PKNOX2: variants seen among roughly 807,000 people sequenced by gnomAD.
The protein encoded by PKNOX2 is homeobox protein PKNOX2.
PKNOX2 carries 14 observed loss-of-function variants against 53.1 expected under a neutral mutation model. The ratio of observed to expected loss-of-function variants is 0.26; its 90% CI spans 0.17 to 0.41. The LOEUF is 0.41. PKNOX2 is among the 10% of genes least tolerant of loss of function. The pLI is 1.00. For missense variants in PKNOX2, 496 were observed against 602.8 expected (o/e 0.82, Z 1.85); for synonymous variants, 257 against 242.8 (o/e 1.06, Z -0.54).
intron 5 of PKNOX2, among the ~76,000 whole-genome samples, chr11:125,369,212 G>C (rs1952381112): frequency 6.6e-6 from 1 of 152,228 alleles, no homozygotes; most frequent in African/African-American, 2.4e-5. Flanking sequence ...TCTGATCACG[G>C]ATCCTGGCAC....
At chr11:125,274,824 C>T (rs371128485) in intron 2 of PKNOX2, among the ~76,000 whole-genome samples, 4 of 152,272 alleles carry the variant, frequency 2.6e-5, no homozygotes, top group East Asian at 1.9e-4. Context: ...AGATCAGGGG[C>T]GGTAGGATAA....
rs181797605 is a variant in PKNOX2, at chr11:125,240,056, T to G, written c.-130+4941T>G. On this transcript the variant is annotated intron_variant, in intron 2 of 12. Coordinates refer to ENST00000298282, the MANE Select transcript of PKNOX2 (RefSeq NM_001382323.2). This position sits in a 1 kb window ranked among gnomAD's most constrained non-coding sequence, Gnocchi z 4.3. ...ATTTACATTATGCAAATAGACGTTA[T>G]GCAATCAAGGCACTTTAGCAGGAAT... is the stretch of plus-strand genomic sequence containing the variant. 2.0e-5 allele frequency: 3 copies of G among 152,236 alleles called. No individual in the cohort carries two copies. Among genetic ancestry groups the G allele is most frequent in the Non-Finnish European group, 4.4e-5 (3 of 68,046 alleles). The allele number at this position is 152,236 out of a possible 1,614,324, so 9.4% of individuals were successfully genotyped here.
At chr11:125,355,284 A>G (rs1321739285) in intron 4 of PKNOX2, among the ~76,000 whole-genome samples, 2 of 151,786 alleles carry the variant, frequency 1.3e-5, no homozygotes, top group Non-Finnish European at 2.9e-5. Context: ...AAAGAAAAAA[A>G]AAAAAAAAAG....
At chr11:125,167,369 G>C (rs1203981183) in intron 1 of PKNOX2, among the ~76,000 whole-genome samples, 1 of 152,186 alleles carries the variant, frequency 6.6e-6, no homozygotes, top group East Asian at 1.9e-4. Flanking sequence ...GGCGGCCCGG[G>C]GCGCGGCGAC....
At chr11:125,345,688 G>A (rs1282855817) in intron 3 of PKNOX2, among the ~76,000 whole-genome samples, 3 of 152,060 alleles carry the variant, frequency 2.0e-5, no homozygotes, top group Non-Finnish European at 2.9e-5. Context: ...AGCCAACTCC[G>A]TTCTACCAGC....
intron 1 of PKNOX2, among the ~76,000 whole-genome samples, chr11:125,183,946 G>T (rs1224808243): frequency 2.6e-5 from 4 of 152,106 alleles, no homozygotes; most frequent in African/African-American, 7.2e-5. Flanking sequence ...GGTTTCTTCT[G>T]TTGCCTGTGG....
intron 10 of PKNOX2, 57 bp downstream of exon 10, chr11:125,411,922 C>G: frequency 6.2e-7 from 1 of 1,607,088 alleles, no homozygotes; most frequent in Non-Finnish European, 8.5e-7. Flanking sequence ...AATAACCCAC[C>G]GTGTGGGTAC....
chr11:125,198,631 G>A (rs183484727), intron 1 of PKNOX2, among the ~76,000 whole-genome samples: 3 of 152,026 alleles, frequency 2.0e-5, no homozygotes, highest in African/African-American at 7.3e-5. Flanking sequence ...TCGAGTTTCC[G>A]ACCTGTGATA....
chr11:125,281,618 G>A (rs1045844712), intron 2 of PKNOX2, among the ~76,000 whole-genome samples: 7 of 152,180 alleles, frequency 4.6e-5, no homozygotes, highest in African/African-American at 1.4e-4. Flanking sequence ...GAATGTAGCC[G>A]GATAACACAG....
Position 125,231,095 on chromosome 11 carries a change from C to T in PKNOX2, c.-200-3950C>T, listed in dbSNP as rs542036737. Among the ~76,000 whole-genome samples the T allele has an allele frequency of 2.3e-4, 35 of 152,236 alleles. No individual in the cohort carries two copies. The Middle Eastern group carries it at 0.01, about 44-fold the overall frequency. On this transcript the variant is annotated intron_variant, in intron 1 of 12. Transcript: ENST00000298282. Reference sequence around the variant, plus strand: ...CAGATGAGGAAACTGAGGCATACAGCGATTAAAGTTCCTTGTCCAAGATCA... The same window carrying T: ...CAGATGAGGAAACTGAGGCATACAGTGATTAAAGTTCCTTGTCCAAGATCA...
intron 2 of PKNOX2, among the ~76,000 whole-genome samples, chr11:125,320,832 G>A (rs73621064): frequency 0.022 from 3,401 of 152,274 alleles, 130 homozygotes; most frequent in African/African-American, 0.075. Context: ...TAACCCTTAG[G>A]AGGCAGGATG....
intron 2 of PKNOX2, among the ~76,000 whole-genome samples, chr11:125,301,674 A>C (rs1029060379): frequency 6.6e-6 from 1 of 152,092 alleles, no homozygotes; most frequent in African/African-American, 2.4e-5. Context: ...AAGATCATCT[A>C]TTGTTTCATT....
At chr11:125,283,864 A>G (rs1044362577) in intron 2 of PKNOX2, among the ~76,000 whole-genome samples, 1 of 152,180 alleles carries the variant, frequency 6.6e-6, no homozygotes, top group African/African-American at 2.4e-5. Flanking sequence ...TCAGTCAAGT[A>G]TTATAATACT....
Position 125,212,776 on chromosome 11 carries a change from G to A in PKNOX2, c.-200-22269G>A, listed in dbSNP as rs1591482682. On this transcript the variant is annotated intron_variant, in intron 1 of 12. Coordinates refer to ENST00000298282, the MANE Select transcript of PKNOX2 (RefSeq NM_001382323.2). The stretch of plus-strand genomic sequence containing the variant: ...TCCTCTTGACCGGTTCTACAGTTAG[G>A]ACCAATGGCCTTCCCTAGTTGCTCC... Among the ~76,000 whole-genome samples the A allele has an allele frequency of 1.3e-5, 2 of 151,952 alleles. 1 individual carries two copies.
rs529842250 is a variant in PKNOX2 at position 125,193,754 on chromosome 11, C to T, written c.-201+28978C>T. Among the ~76,000 whole-genome samples, 9 of 152,256 alleles carry T rather than the reference C, an allele frequency of 5.9e-5. No individual in the cohort carries two copies. In the South Asian group the frequency reaches 1.2e-3, roughly 21 times the overall value. ...AGACCCAGTGTCCTCACCAGTAAGA[C>T]GTGGGGCTGGATGAGAGGCAGCACG... On this transcript the variant is annotated intron_variant, in intron 1 of 12. Transcript: ENST00000298282.
intron 3 of PKNOX2, among the ~76,000 whole-genome samples, chr11:125,334,457 C>A (rs924519527): frequency 2.6e-5 from 4 of 152,128 alleles, no homozygotes; most frequent in African/African-American, 9.7e-5. Flanking sequence ...TTGGTGAACA[C>A]GTAGTTATTG....
At chr11:125,350,996 C>A (rs1951274692) in intron 3 of PKNOX2, among the ~76,000 whole-genome samples, 1 of 152,176 alleles carries the variant, frequency 6.6e-6, no homozygotes, top group African/African-American at 2.4e-5. Context: ...GCCCCCTCCC[C>A]ACACGTACAA....
At position 125,398,912 on chromosome 11, in the gene PKNOX2, T is replaced by A. The variant is rs545880330; in HGVS notation, c.588+850T>A. Reference sequence around the variant, plus strand: ...CCTCTTCTCATTAAACAATCAGGCATGGGGATGCAGGTAAACTTTCTAGGA... The same window carrying A: ...CCTCTTCTCATTAAACAATCAGGCAAGGGGATGCAGGTAAACTTTCTAGGA... On this transcript the variant is annotated intron_variant, in intron 7 of 12. Transcript: ENST00000298282. Among the ~76,000 whole-genome samples the A allele has an allele frequency of 3.3e-5, 5 of 152,270 alleles. No individual in the cohort carries two copies. The East Asian group carries it at 5.8e-4, about 18-fold the overall frequency.
At chr11:125,319,778 G>A (rs1478645556) in intron 2 of PKNOX2, among the ~76,000 whole-genome samples, 1 of 152,246 alleles carries the variant, frequency 6.6e-6, no homozygotes, top group Non-Finnish European at 1.5e-5. Flanking sequence ...AAGCAAAGCA[G>A]GAGAAAGAGC....
Sources: allele counts gnomAD v4.1 joint callset (sites outside exome capture counted in the v4.1 genomes callset), GRCh38; gene constraint gnomAD v4.1.1; non-coding constraint Gnocchi (gnomAD v3.1); transcripts MANE v1.5; gene names NCBI Gene and HGNC (gene_info 2026-07-23, HGNC 2026-07-21).